The following SKAP1 variants were observed in gnomAD, a reference collection of about 807,000 sequenced individuals.
SKAP1 encodes the protein src kinase-associated phosphoprotein 1.
SKAP1 carries 44 observed loss-of-function variants against 58.5 expected under a neutral mutation model. The ratio of observed to expected loss-of-function variants is 0.75; its 90% CI spans 0.59 to 0.97. The LOEUF (loss-of-function observed/expected upper bound fraction) is 0.97. Among genes scored for constraint, SKAP1 ranks in the 50% least tolerant of loss-of-function variants. The probability of loss-of-function intolerance (pLI) is 0.00; values close to 1 mark genes in which losing one functional copy is unlikely to be tolerated. For missense variants in SKAP1, 390 were observed against 435.2 expected (o/e 0.90, Z 0.92); for synonymous variants, 127 against 149.7 (o/e 0.85, Z 1.11).
chr17:48,278,584 G>A (rs907032919), intron 4 of SKAP1, among the ~76,000 whole-genome samples: 1 of 152,084 alleles, frequency 6.6e-6, no homozygotes, highest in Non-Finnish European at 1.5e-5. Flanking sequence ...GTGAATTTTG[G>A]GAAGTCAAGT....
At chr17:48,181,396 G>T (rs934763277) in intron 8 of SKAP1, among the ~76,000 whole-genome samples, 4 of 152,158 alleles carry the variant, frequency 2.6e-5, no homozygotes, top group African/African-American at 9.7e-5. Flanking sequence ...AAGGCACCTA[G>T]ATGAGAGTGT....
At chr17:48,157,025 G>A (rs1443316149) in intron 11 of SKAP1, among the ~76,000 whole-genome samples, 2 of 152,110 alleles carry the variant, frequency 1.3e-5, no homozygotes, top group African/African-American at 2.4e-5. Context: ...CTTCCTACAT[G>A]CCAGGCACTT....
chr17:48,410,045 A>C (rs969133313), intron 1 of SKAP1, among the ~76,000 whole-genome samples: 1 of 152,240 alleles, frequency 6.6e-6, no homozygotes, highest in Non-Finnish European at 1.5e-5. Context: ...CTACAGGCAA[A>C]AGGAACTGAA....
At chr17:48,335,143 T>C (rs530652447) in intron 4 of SKAP1, among the ~76,000 whole-genome samples, 1 of 151,942 alleles carries the variant, frequency 6.6e-6, no homozygotes, top group South Asian at 2.1e-4. Flanking sequence ...AAAAGGGCAA[T>C]ATTTAATATT....
chr17:48,155,777 A>G (rs1293305043), intron 11 of SKAP1, among the ~76,000 whole-genome samples: 1 of 152,134 alleles, frequency 6.6e-6, no homozygotes, highest in Non-Finnish European at 1.5e-5. Flanking sequence ...GAATCGCTTG[A>G]ACCCGGGAGG....
rs929550144 is a variant in SKAP1, at chr17:48,374,020, T to C, written c.153-10206A>G. ...ATCTCTTCTTAATGACTTAAGGACA[T>C]CCAAATTTGAACTTCTCTTTTTTGT... On this transcript the variant is annotated intron_variant, in intron 2 of 12. Coordinates refer to ENST00000336915, the MANE Select transcript of SKAP1 (RefSeq NM_003726.4). Among the ~76,000 whole-genome samples, 6 of 152,208 alleles carry C rather than the reference T, an allele frequency of 3.9e-5. No homozygotes were observed. The East Asian group carries it at 7.7e-4, about 20-fold the overall frequency.
chr17:48,142,937 G>A (rs1013544532), intron 11 of SKAP1, among the ~76,000 whole-genome samples: 3 of 151,144 alleles, frequency 2.0e-5, no homozygotes, highest in African/African-American at 7.3e-5. Flanking sequence ...AAGTAACTAG[G>A]ACTACAGGTG....
chr17:48,378,380 C>T (rs961693594), intron 2 of SKAP1, among the ~76,000 whole-genome samples: 1 of 152,168 alleles, frequency 6.6e-6, no homozygotes. Context: ...ACCACATCTG[C>T]CTCATTTGGT....
At chr17:48,315,189 T>G (rs1471766067) in intron 4 of SKAP1, among the ~76,000 whole-genome samples, 1 of 152,220 alleles carries the variant, frequency 6.6e-6, no homozygotes, top group African/African-American at 2.4e-5. Context: ...AGTACTCATA[T>G]AATAATTTTA....
chr17:48,238,588 G>A (rs1417309636), intron 4 of SKAP1, among the ~76,000 whole-genome samples: 1 of 151,930 alleles, frequency 6.6e-6, no homozygotes, highest in Non-Finnish European at 1.5e-5. Flanking sequence ...GCACAGGATG[G>A]TCTCGAACTC....
intron 1 of SKAP1, among the ~76,000 whole-genome samples, chr17:48,405,392 C>CATTTCTTTCTTT (rs1491435155): frequency 3.4e-4 from 37 of 107,366 alleles, no homozygotes; most frequent in African/African-American, 1.3e-3. Flanking sequence ...TTTTCTCTTT[C>CATTTCTTTCTTT]CTTTCTTTCT....
At chr17:48,270,970 G>A (rs2065624117) in intron 4 of SKAP1, among the ~76,000 whole-genome samples, 1 of 150,794 alleles carries the variant, frequency 6.6e-6, no homozygotes, top group African/African-American at 2.4e-5. Flanking sequence ...GTGGGAGGGG[G>A]GCATGAACAT....
intron 4 of SKAP1, among the ~76,000 whole-genome samples, chr17:48,296,450 G>A (rs2065973975): frequency 6.6e-6 from 1 of 152,154 alleles, no homozygotes; most frequent in South Asian, 2.1e-4. Flanking sequence ...TACTTTCAAA[G>A]TCCTAAAACA....
chr17:48,193,976 C>T (rs536424423), intron 4 of SKAP1, among the ~76,000 whole-genome samples: 4 of 151,954 alleles, frequency 2.6e-5, no homozygotes, highest in Middle Eastern at 3.4e-3. Context: ...ATATCACCAC[C>T]GTCATGAAAA....
At chr17:48,333,478 T>C (rs2066530418) in intron 4 of SKAP1, among the ~76,000 whole-genome samples, 2 of 152,142 alleles carry the variant, frequency 1.3e-5, no homozygotes, top group Non-Finnish European at 2.9e-5. Flanking sequence ...TAGGAACTTT[T>C]CCACCATTTG....
At chr17:48,189,651 G>A in intron 4 of SKAP1, 151 bp from the exon 5 acceptor site, 1 of 580,024 alleles carries the variant, frequency 1.7e-6, no homozygotes, top group Non-Finnish European at 3.0e-6. Flanking sequence ...TATGATTGGA[G>A]GGAAAAGTAA....
intron 4 of SKAP1, among the ~76,000 whole-genome samples, chr17:48,325,044 C>A (rs924752014): frequency 5.9e-5 from 9 of 151,942 alleles, no homozygotes; most frequent in Admixed American, 3.3e-4. Context: ...GTCAGGAGAT[C>A]GAGACCATCC....
intron 4 of SKAP1, among the ~76,000 whole-genome samples, chr17:48,337,992 C>T (rs1206917251): frequency 1.3e-4 from 19 of 151,832 alleles, no homozygotes. Flanking sequence ...TTCCTTCCTT[C>T]CTTCCTACCT....
chr17:48,314,824 T>C (rs1045015972), intron 4 of SKAP1, among the ~76,000 whole-genome samples: 11 of 152,226 alleles, frequency 7.2e-5, no homozygotes, highest in Non-Finnish European at 1.0e-4. Flanking sequence ...GAACCTGAGG[T>C]GTAACCACGA....
Sources: gnomAD v4.1 joint callset for allele counts (sites outside exome capture counted in the v4.1 genomes callset) on GRCh38, gnomAD v4.1.1 for gene constraint, MANE v1.5 for transcripts, NCBI Gene and HGNC (gene_info 2026-07-23, HGNC 2026-07-21) for gene names.